The following RCOR3 variants were observed in gnomAD, a reference collection of about 807,000 sequenced individuals.
RCOR3 encodes the protein REST corepressor 3.
Under a neutral mutation model 64.1 loss-of-function variants are expected in RCOR3, and 13 were observed. The ratio of observed to expected loss-of-function variants is 0.20; its 90% CI spans 0.13 to 0.32. The LOEUF is 0.32. Ranked by LOEUF, RCOR3 falls within the 10% of genes least tolerant of loss-of-function variation. RCOR3 has a pLI of 1.00. For missense variants in RCOR3, 489 were observed against 701.2 expected, an observed-to-expected ratio of 0.70 and a Z score of 3.42; for synonymous variants, 215 against 239.0, an observed-to-expected ratio of 0.90 and a Z score of 0.93.
chr1:211,265,138 CG>C (rs1558041273), intron 2 of RCOR3, among the ~76,000 whole-genome samples: 1 of 152,062 alleles, frequency 6.6e-6, no homozygotes, highest in African/African-American at 2.4e-5. Flanking sequence ...AAAAGATTCA[CG>C]TATTTTTAGT....
chr1:211,308,523 T>C (rs1558110881), intron 10 of RCOR3, among the ~76,000 whole-genome samples: 1 of 152,154 alleles, frequency 6.6e-6, no homozygotes, highest in South Asian at 2.1e-4. Context: ...TTCAAAAATA[T>C]ATTTTTGAAA....
In RCOR3 at chr1:211,293,386, C is replaced by T. The variant is rs182095345; in HGVS notation, c.940-2290C>T. 8.5e-5 allele frequency among the ~76,000 whole-genome samples: 13 copies of T among 152,306 alleles called. No individual in the cohort carries two copies. The East Asian group carries it at 2.1e-3, about 25-fold the overall frequency. On this transcript the variant is annotated intron_variant, in intron 8 of 11. Coordinates refer to ENST00000419091, the MANE Select transcript of RCOR3 (RefSeq NM_001136223.3). ...ATCTTTAGGCAAAATTAAAATTCCTCGGTCTGGCCCCAGTCTAACTTCTTG... is the reference window on the plus strand; with the variant it reads ...ATCTTTAGGCAAAATTAAAATTCCTTGGTCTGGCCCCAGTCTAACTTCTTG...
chr1:211,298,483 T>A (rs1425307390), intron 9 of RCOR3, among the ~76,000 whole-genome samples: 1 of 152,210 alleles, frequency 6.6e-6, no homozygotes, highest in East Asian at 1.9e-4. Flanking sequence ...TCAACAGGTA[T>A]TCCCTGAGCA....
At chr1:211,287,536 C>G (rs1698697727) in intron 7 of RCOR3, among the ~76,000 whole-genome samples, 1 of 152,188 alleles carries the variant, frequency 6.6e-6, no homozygotes, top group Admixed American at 6.5e-5. Flanking sequence ...AACATCAGAT[C>G]CGCCATGTGT....
In RCOR3 at chr1:211,259,867, T is replaced by A. The variant is rs1693883893; in HGVS notation, c.166+141T>A. The A allele has an allele frequency of 7.4e-6, 8 of 1,077,224 alleles. No individual in the cohort carries two copies. In the Admixed American group the frequency reaches 2.0e-4, roughly 27 times the overall value. 66.7% of individuals were successfully genotyped at this position (1,077,224 alleles called of 1,614,324 possible). On this transcript the variant is annotated intron_variant, in intron 1 of 11. Transcript: ENST00000419091. ...CGGTAGCCTCGAACTCCCGGTGCAGTGCAGCAGCACCCCCGCGACCCCCCG... is the reference window on the plus strand; with the variant it reads ...CGGTAGCCTCGAACTCCCGGTGCAGAGCAGCAGCACCCCCGCGACCCCCCG...
At chr1:211,283,634 G>A (rs1160575294) in intron 7 of RCOR3, among the ~76,000 whole-genome samples, 2 of 151,984 alleles carry the variant, frequency 1.3e-5, no homozygotes. Flanking sequence ...TATATGTTTC[G>A]TTCGTGGAGG....
At chr1:211,275,742 T>C (rs1293304523) in intron 4 of RCOR3, among the ~76,000 whole-genome samples, 1 of 152,200 alleles carries the variant, frequency 6.6e-6, no homozygotes, top group Admixed American at 6.5e-5. Context: ...TTTAAAAAAT[T>C]GTTAAAGTTG....
At chr1:211,284,900 G>A (rs535582519) in intron 7 of RCOR3, among the ~76,000 whole-genome samples, 3 of 152,112 alleles carry the variant, frequency 2.0e-5, no homozygotes, top group Non-Finnish European at 4.4e-5. Context: ...TGAGGCTTAC[G>A]CATATGCCTG....
chr1:211,289,659 G>A lies in RCOR3; in HGVS notation c.939+263G>A, dbSNP rs576133257. ...GCTTCAATGTTCTATCTATAAAATC[G>A]GGGATAATAATCATTCTTCTCTTGC... On this transcript the variant is annotated intron_variant, in intron 8 of 11. Transcript: ENST00000419091. 1.9e-4 allele frequency among the ~76,000 whole-genome samples: 29 copies of A among 152,242 alleles called. 1 individual carries two copies. The highest frequency in any genetic ancestry group is 3.4e-4 in the Non-Finnish European group (23 of 68,032).
intron 2 of RCOR3, among the ~76,000 whole-genome samples, chr1:211,262,032 A>ATTTTT (rs1558035836): frequency 2.6e-5 from 1 of 37,986 alleles, no homozygotes. Context: ...AGCTATAAAA[A>ATTTTT]CTTTTTTTTT....
rs991813723 is a variant in RCOR3 at position 211,259,695 on chromosome 1, C to T, written c.135C>T (p.Pro45=). The T allele has an allele frequency of 1.3e-6, 2 of 1,532,374 alleles. No individual in the cohort carries two copies. Among genetic ancestry groups the T allele is most frequent in the Non-Finnish European group, 1.8e-6 (2 of 1,138,792 alleles). The allele number at this position is 1,532,374 out of a possible 1,614,324, so 94.9% of individuals were successfully genotyped here. The change falls in exon 1 of 12, where the codon CCC becomes CCT. Residue 45 remains proline, a synonymous_variant. Coordinates refer to ENST00000419091, the MANE Select transcript of RCOR3 (RefSeq NM_001136223.3). Reference sequence around the variant, plus strand: ...ACGGCGGGCTGCACTACTCAGAGCCCGAGAGCGGCTGCAGCAGCGACGACG... The same window carrying T: ...ACGGCGGGCTGCACTACTCAGAGCCTGAGAGCGGCTGCAGCAGCGACGACG... The part of the protein sequence containing the change: ...STNGGLHYSE[P]ESGCSSDDEH...
chr1:211,298,352 A>G (rs1700048395), intron 9 of RCOR3, among the ~76,000 whole-genome samples: 1 of 152,240 alleles, frequency 6.6e-6, no homozygotes, highest in Admixed American at 6.5e-5. Context: ...TTTTGCACAT[A>G]CAGAAAGGAC....
Position 211,313,086 on chromosome 1 carries a change from C to A in RCOR3, c.1317+125C>A. 1.3e-6 allele frequency: 2 copies of A among 1,549,446 alleles called. No homozygotes were observed. Among genetic ancestry groups the A allele is most frequent in the South Asian group, 2.5e-5 (2 of 79,740 alleles). ...AGCATGAAAGGTTGACAATACACTT[C>A]TTCAGTGGTGCATCTCTCGTGACTC... On this transcript the variant is annotated intron_variant, in intron 11 of 11. Transcript: ENST00000419091. The surrounding 1 kb of genome is among the most constrained non-coding windows in gnomAD (Gnocchi z 4.7).
intron 2 of RCOR3, among the ~76,000 whole-genome samples, chr1:211,266,943 T>TGA (rs1312669326): frequency 6.6e-6 from 1 of 152,194 alleles, no homozygotes; most frequent in African/African-American, 2.4e-5. Context: ...AAGGGGTTGG[T>TGA]GAGAGAGGAC....
At chr1:211,259,886 C>A in intron 1 of RCOR3, 160 bp downstream of exon 1, 1 of 975,992 alleles carries the variant, frequency 1.0e-6, no homozygotes, top group Non-Finnish European at 1.4e-6. Flanking sequence ...ACCCCCGCGA[C>A]CCCCCGTCCC....
intron 8 of RCOR3, among the ~76,000 whole-genome samples, chr1:211,292,414 A>G (rs141954837): frequency 2.0e-5 from 3 of 152,360 alleles, no homozygotes; most frequent in African/African-American, 7.2e-5. Flanking sequence ...CACTAAAAAC[A>G]TAAAGGAATA....
chr1:211,271,100 G>A (rs190152689), intron 2 of RCOR3, 132 bp from the exon 3 acceptor site: 11,758 of 583,938 alleles, frequency 0.02, 158 homozygotes, highest in Middle Eastern at 0.032. Context: ...CTTGTGATCC[G>A]CCTGCCTCGG....
rs1701299261 is a variant in RCOR3, at chr1:211,309,747, C to G, written c.1076-2973C>G. On this transcript the variant is annotated intron_variant, in intron 10 of 11. Coordinates refer to ENST00000419091, the MANE Select transcript of RCOR3 (RefSeq NM_001136223.3). ...AACTATGAAAAAATAATGGAGTGCCCTTCCCCCAGGGACAGACTGAAACTC... is the reference window on the plus strand; with the variant it reads ...AACTATGAAAAAATAATGGAGTGCCGTTCCCCCAGGGACAGACTGAAACTC... Among the ~76,000 whole-genome samples, 4 of 152,184 alleles carry G rather than the reference C, an allele frequency of 2.6e-5. No homozygotes were observed. In the South Asian group the frequency reaches 8.3e-4, roughly 31 times the overall value.
intron 10 of RCOR3, among the ~76,000 whole-genome samples, chr1:211,308,942 C>T (rs1404079977): frequency 6.6e-6 from 1 of 151,768 alleles, no homozygotes; most frequent in African/African-American, 2.4e-5. Flanking sequence ...GAACTCCTGA[C>T]TTCAAGTGGT....
Sources: allele counts gnomAD v4.1 joint callset (sites outside exome capture counted in the v4.1 genomes callset), GRCh38; gene constraint gnomAD v4.1.1; non-coding constraint Gnocchi (gnomAD v3.1); transcripts MANE v1.5; gene names NCBI Gene and HGNC (gene_info 2026-07-23, HGNC 2026-07-21).